CDKAL1: variants seen among roughly 807,000 people sequenced by gnomAD.
CDKAL1 encodes threonylcarbamoyladenosine tRNA methylthiotransferase.
In CDKAL1, 32 loss-of-function variants were observed where a neutral mutation model predicts 68.2. The ratio of observed to expected loss-of-function variants is 0.47; its 90% CI spans 0.35 to 0.63. The LOEUF is 0.63. Ranked by LOEUF, CDKAL1 falls within the 30% of genes least tolerant of loss-of-function variation. The pLI, the probability that CDKAL1 is intolerant of heterozygous loss-of-function variation, is 0.00. For synonymous variants in CDKAL1, 234 were observed against 244.3 expected (o/e 0.96, Z 0.39); for missense variants, 606 against 696.7 (o/e 0.87, Z 1.47).
At chr6:20,920,846 C>G (rs532341036) in intron 9 of CDKAL1, among the ~76,000 whole-genome samples, 2 of 152,270 alleles carry the variant, frequency 1.3e-5, no homozygotes, top group South Asian at 2.1e-4. Context: ...TAGAGAGATA[C>G]TGGCCCAGTC....
intron 13 of CDKAL1, among the ~76,000 whole-genome samples, chr6:21,148,045 T>TGG (rs1402796243): frequency 1.3e-5 from 2 of 152,368 alleles, no homozygotes; most frequent in Admixed American, 1.3e-4. Context: ...CATAGATGTC[T>TGG]GGTCAGCCAT....
At chr6:21,213,206 TG>T (rs753235859) in intron 15 of CDKAL1, among the ~76,000 whole-genome samples, 3 of 152,162 alleles carry the variant, frequency 2.0e-5, no homozygotes, top group African/African-American at 4.8e-5. Flanking sequence ...ATCTATAAAT[TG>T]GGAGGAATAG....
At chr6:20,990,197 CG>C (rs1766719054) in intron 10 of CDKAL1, among the ~76,000 whole-genome samples, 3 of 151,972 alleles carry the variant, frequency 2.0e-5, no homozygotes, top group African/African-American at 7.3e-5. Context: ...GAGCCAAGAT[CG>C]CAACACTGCA....
intron 9 of CDKAL1, among the ~76,000 whole-genome samples, chr6:20,948,009 A>AC (rs1478801107): frequency 4.5e-5 from 5 of 112,144 alleles, no homozygotes; most frequent in African/African-American, 1.5e-4. Context: ...AGTGAAGGTC[A>AC]CTTTTTTTTT....
intron 8 of CDKAL1, among the ~76,000 whole-genome samples, chr6:20,818,176 A>C (rs1410001730): frequency 6.6e-6 from 1 of 152,158 alleles, no homozygotes; most frequent in Non-Finnish European, 1.5e-5. Flanking sequence ...ACAAACTATC[A>C]CAATCAAGGG....
intron 13 of CDKAL1, among the ~76,000 whole-genome samples, chr6:21,127,394 C>A (rs1252695624): frequency 6.6e-6 from 1 of 152,072 alleles, no homozygotes; most frequent in Non-Finnish European, 1.5e-5. Context: ...CCATGTTGGA[C>A]CTTGTTGAAT....
intron 13 of CDKAL1, among the ~76,000 whole-genome samples, chr6:21,191,915 C>T (rs187750664): frequency 3.4e-5 from 5 of 147,024 alleles, no homozygotes; most frequent in East Asian, 4.0e-4. Flanking sequence ...ACGTTTCCTG[C>T]GCCTTCCTTC....
intron 10 of CDKAL1, among the ~76,000 whole-genome samples, chr6:20,989,425 A>G (rs1766669064): frequency 6.6e-6 from 1 of 152,248 alleles, no homozygotes; most frequent in Admixed American, 6.5e-5. Flanking sequence ...TGCTTAAACC[A>G]TGGAACTAAA....
At chr6:20,970,380 C>A (rs1302337063) in intron 10 of CDKAL1, among the ~76,000 whole-genome samples, 2 of 152,038 alleles carry the variant, frequency 1.3e-5, no homozygotes, top group Non-Finnish European at 2.9e-5. Context: ...TTGCTGCAAA[C>A]CTTTAGTTAA....
intron 7 of CDKAL1, among the ~76,000 whole-genome samples, chr6:20,774,585 C>G (rs1028148629): frequency 2.0e-5 from 3 of 152,092 alleles, no homozygotes; most frequent in Admixed American, 1.3e-4. Flanking sequence ...ATTTTTGTTC[C>G]TGAAGATCGA....
chr6:20,813,725 C>A (rs896586129), intron 8 of CDKAL1, among the ~76,000 whole-genome samples: 2 of 152,162 alleles, frequency 1.3e-5, no homozygotes, highest in African/African-American at 4.8e-5. Flanking sequence ...TGTCTTGGAA[C>A]ACTGTCGATA....
intron 15 of CDKAL1, among the ~76,000 whole-genome samples, chr6:21,218,364 T>C (rs936288658): frequency 3.3e-5 from 5 of 152,236 alleles, no homozygotes; most frequent in African/African-American, 1.2e-4. Flanking sequence ...TGTTGCTGTG[T>C]AACAAATTAC....
At chr6:21,115,527 A>T (rs2151001220) in intron 13 of CDKAL1, among the ~76,000 whole-genome samples, 1 of 152,352 alleles carries the variant, frequency 6.6e-6, no homozygotes, top group South Asian at 2.1e-4. Context: ...CATGCTTAAA[A>T]CAGTTCTCTG....
chr6:20,609,264 C>CTCCTTCTT (rs1554162612), intron 4 of CDKAL1, among the ~76,000 whole-genome samples: 4 of 80,020 alleles, frequency 5.0e-5, no homozygotes, highest in East Asian at 4.4e-4. Flanking sequence ...CTCCTTCCTT[C>CTCCTTCTT]CTCCTCCTTC....
intron 4 of CDKAL1, 63 bp from the exon 5 acceptor site, chr6:20,649,230 C>G (rs1768630640): frequency 8.9e-7 from 1 of 1,121,754 alleles, no homozygotes; most frequent in Non-Finnish European, 1.3e-6. Context: ...CCCAGTGCCA[C>G]TGGATATTTT....
chr6:21,112,557 A>G (rs1259252860), intron 13 of CDKAL1, among the ~76,000 whole-genome samples: 3 of 152,186 alleles, frequency 2.0e-5, no homozygotes. Flanking sequence ...CACACTTGAG[A>G]AGAAACATTG....
At chr6:20,561,025 G>A (rs894458640) in intron 4 of CDKAL1, among the ~76,000 whole-genome samples, 4 of 152,038 alleles carry the variant, frequency 2.6e-5, no homozygotes, top group East Asian at 1.9e-4. Flanking sequence ...GTGACGTCTC[G>A]GCTAGTTCCT....
intron 9 of CDKAL1, among the ~76,000 whole-genome samples, chr6:20,896,828 AAAAT>A (rs978314560): frequency 3.3e-5 from 5 of 152,248 alleles, no homozygotes; most frequent in African/African-American, 1.2e-4. Context: ...TACCTTTCTC[AAAAT>A]AAATCTGTCT....
intron 7 of CDKAL1, among the ~76,000 whole-genome samples, chr6:20,770,250 C>T (rs986579616): frequency 2.0e-5 from 3 of 151,706 alleles, no homozygotes; most frequent in Non-Finnish European, 4.4e-5. Flanking sequence ...AGTGAGTGAA[C>T]GTATTCCCTA....
Sources: gnomAD v4.1 joint callset for allele counts (sites outside exome capture counted in the v4.1 genomes callset) on GRCh38, gnomAD v4.1.1 for gene constraint, MANE v1.5 for transcripts, NCBI Gene and HGNC (gene_info 2026-07-23, HGNC 2026-07-21) for gene names.